DHX40: variants seen among roughly 807,000 people sequenced by gnomAD.
DHX40 encodes DEAH-box helicase 40.
Under a neutral mutation model 89.6 loss-of-function variants are expected in DHX40, and 28 were observed. That is an observed-to-expected ratio of 0.31 (90% CI 0.23 to 0.43). The LOEUF (loss-of-function observed/expected upper bound fraction) is 0.43. DHX40 is among the 20% of genes least tolerant of loss of function. The pLI, the probability that DHX40 is intolerant of heterozygous loss-of-function variation, is 1.00. For missense variants in DHX40, 457 were observed against 844.0 expected, an observed-to-expected ratio of 0.54 and a Z score of 5.68; for synonymous variants, 226 against 283.6, an observed-to-expected ratio of 0.80 and a Z score of 2.04.
chr17:59,594,669 A>G (rs1598168263), intron 12 of DHX40, among the ~76,000 whole-genome samples: 1 of 151,606 alleles, frequency 6.6e-6, no homozygotes, highest in Non-Finnish European at 1.5e-5. Context: ...TGCTGAACCC[A>G]TTGGAACAAC....
intron 6 of DHX40, among the ~76,000 whole-genome samples, chr17:59,574,515 CATA>C (rs201871572): frequency 0.02 from 2,961 of 151,144 alleles, 85 homozygotes; most frequent in Middle Eastern, 0.031. Flanking sequence ...ATGTCAAAGA[CATA>C]GTAGTATATG....
chr17:59,591,970 G>A lies in DHX40; in HGVS notation c.1582+3917G>A, dbSNP rs774658400. 4.7e-4 allele frequency among the ~76,000 whole-genome samples: 72 copies of A among 151,960 alleles called. 2 individuals are homozygous for A. The highest frequency in any genetic ancestry group is 8.0e-4 in the Non-Finnish European group (54 of 67,888). On this transcript the variant is annotated intron_variant, in intron 12 of 17. Transcript: ENST00000251241. ...CGCAGCCTTGACCTCCCGGGCTCAAGCAATTCTCCCACCTCAGCCTCCTTA... is the reference window on the plus strand; with the variant it reads ...CGCAGCCTTGACCTCCCGGGCTCAAACAATTCTCCCACCTCAGCCTCCTTA...
At chr17:59,605,981 T>G (rs1598184098) in intron 17 of DHX40, among the ~76,000 whole-genome samples, 1 of 151,162 alleles carries the variant, frequency 6.6e-6, no homozygotes, top group Middle Eastern at 3.4e-3. Flanking sequence ...AAAAAAAAAG[T>G]GATGATTTAT....
intron 12 of DHX40, among the ~76,000 whole-genome samples, chr17:59,593,707 C>T (rs2049111452): frequency 1.5e-5 from 2 of 137,636 alleles, no homozygotes; most frequent in Admixed American, 1.5e-4. Flanking sequence ...CTCCTGACCT[C>T]CTGACCTCAG....
At chr17:59,571,618 T>A (rs1475051718) in intron 3 of DHX40, among the ~76,000 whole-genome samples, 1 of 150,520 alleles carries the variant, frequency 6.6e-6, no homozygotes, top group Non-Finnish European at 1.5e-5. Context: ...TGAGACGAAG[T>A]CTCACACCAT....
chr17:59,572,461 C>A (rs1400447988), intron 3 of DHX40, among the ~76,000 whole-genome samples: 1 of 152,190 alleles, frequency 6.6e-6, no homozygotes, highest in Non-Finnish European at 1.5e-5. Flanking sequence ...TCACTGCAAT[C>A]TCCGCCTCTC....
chr17:59,565,701 G>A lies in DHX40; in HGVS notation c.30G>A (p.Arg10=), dbSNP rs1288997293. MSRFPAVAG[R]APRRQEEGER... ...CCCGGTTTCCCGCAGTCGCGGGCAG[G>A]GCGCCAAGGCGGCAGGAGGAGGGTG... The change falls in exon 1 of 18, where the codon AGG becomes AGA. Residue 10 remains arginine, a synonymous_variant. Coordinates refer to ENST00000251241, the MANE Select transcript of DHX40 (RefSeq NM_024612.5). 6.2e-7 allele frequency: 1 copy of A among 1,603,324 alleles called. No individual in the cohort carries two copies. Among genetic ancestry groups the A allele is most frequent in the Non-Finnish European group, 8.5e-7 (1 of 1,179,622 alleles).
rs149385882 is a variant in DHX40, at chr17:59,599,435, A to G, written c.1758A>G (p.Ala586=). Residue 586 remains alanine, a synonymous_variant, in exon 14 of 18, where the codon GCA becomes GCG. Transcript: ENST00000251241. The stretch of plus-strand genomic sequence containing the variant: ...TTCATTGGAGGTGCTTATTTTCTGC[A>G]TTTCGTGTGGAAGCTCAACTTCGAG... The part of the protein sequence containing the change: ...HWIHWRCLFS[A]FRVEAQLREL... The G allele has an allele frequency of 7.1e-4, 1,146 of 1,609,168 alleles. 8 individuals carry two copies. Among genetic ancestry groups the G allele is most frequent in the South Asian group, 1.3e-3 (120 of 90,266 alleles).
At chr17:59,566,210 A>G (rs2048702790) in intron 1 of DHX40, among the ~76,000 whole-genome samples, 1 of 152,086 alleles carries the variant, frequency 6.6e-6, no homozygotes, top group African/African-American at 2.4e-5. Context: ...CTGAACAGGG[A>G]CCTAACTTGA....
chr17:59,576,564 A>C (rs910531493), intron 7 of DHX40, among the ~76,000 whole-genome samples: 1 of 152,100 alleles, frequency 6.6e-6, no homozygotes, highest in African/African-American at 2.4e-5. Flanking sequence ...TATTTTGGAA[A>C]TCTTTTTTAT....
intron 2 of DHX40, among the ~76,000 whole-genome samples, chr17:59,567,549 C>T (rs972856766): frequency 6.6e-6 from 1 of 152,292 alleles, no homozygotes; most frequent in Non-Finnish European, 1.5e-5. Flanking sequence ...AATCAGCCTC[C>T]TCTGCTCAGC....
rs1375188096 is a variant in DHX40 at position 59,586,151 on chromosome 17, A to T, written c.1344-2A>T. 1.9e-6 allele frequency: 3 copies of T among 1,585,322 alleles called. No homozygotes were observed. The highest frequency in any genetic ancestry group is 1.2e-5 in the South Asian group (1 of 86,554). On this transcript the variant is annotated splice_acceptor_variant, in intron 10 of 17. Coordinates refer to ENST00000251241, the MANE Select transcript of DHX40 (RefSeq NM_024612.5). LOFTEE classifies it high-confidence loss of function. ...CACTTCATATCTCATTTAAACACACAGGTTTCCCTATTTGGATCCACCTAA... is the reference window on the plus strand; with the variant it reads ...CACTTCATATCTCATTTAAACACACTGGTTTCCCTATTTGGATCCACCTAA...
Position 59,605,252 on chromosome 17 carries a change from T to C in DHX40, c.1971+68T>C, listed in dbSNP as rs1598182833. The C allele has an allele frequency of 1.6e-5, 23 of 1,482,788 alleles. No homozygotes were observed. The East Asian group carries it at 5.1e-4, about 33-fold the overall frequency. The allele number at this position is 1,482,788 out of a possible 1,614,324, so 91.9% of individuals were successfully genotyped here. ...TGTAGAAATAAGTAATATACAAATGTCTTCTACTTTTCACTTTGGAGTTAA... is the reference window on the plus strand; with the variant it reads ...TGTAGAAATAAGTAATATACAAATGCCTTCTACTTTTCACTTTGGAGTTAA... On this transcript the variant is annotated intron_variant, in intron 16 of 17. Transcript: ENST00000251241.
At chr17:59,569,295 T>C (rs1953648758) in intron 2 of DHX40, among the ~76,000 whole-genome samples, 1 of 151,522 alleles carries the variant, frequency 6.6e-6, no homozygotes, top group African/African-American at 2.4e-5. Context: ...GCCACTGCAC[T>C]CCCGCCTGGG....
intron 1 of DHX40, 32 bp downstream of exon 1, chr17:59,565,815 G>T: frequency 6.4e-7 from 1 of 1,557,416 alleles, no homozygotes. Flanking sequence ...GGAAGCCAGC[G>T]GGAGTTACGG....
intron 15 of DHX40, chr17:59,604,862 G>T: frequency 2.7e-6 from 1 of 367,568 alleles, no homozygotes; most frequent in Non-Finnish European, 4.9e-6. Flanking sequence ...ATAGATTATT[G>T]TTAATATTTG....
chr17:59,598,997 C>G (rs1352331518), intron 13 of DHX40, 146 bp downstream of exon 13: 3 of 596,102 alleles, frequency 5.0e-6, no homozygotes, highest in Non-Finnish European at 9.2e-6. Context: ...TTATCTATGT[C>G]AGATGACTAT....
chr17:59,594,518 A>G (rs1346653497), intron 12 of DHX40, among the ~76,000 whole-genome samples: 2 of 151,608 alleles, frequency 1.3e-5, no homozygotes, highest in Non-Finnish European at 2.9e-5. Context: ...TTGGGGAGTT[A>G]GGAGCTGATA....
chr17:59,605,428 A>G lies in DHX40; in HGVS notation c.1972-18A>G, dbSNP rs1436180472. 3 of 1,602,662 alleles carry G rather than the reference A, an allele frequency of 1.9e-6. No individual in the cohort carries two copies. The highest frequency in any genetic ancestry group is 2.6e-6 in the Non-Finnish European group (3 of 1,171,302). ...CAGGTTATTGAGTTACCATCATTAA[A>G]AGAAATGTTTTGTATAGCTTCATGA... On this transcript the variant is annotated intron_variant, in intron 16 of 17. Transcript: ENST00000251241.
Sources: gnomAD v4.1 joint callset for allele counts (sites outside exome capture counted in the v4.1 genomes callset) on GRCh38, gnomAD v4.1.1 for gene constraint, MANE v1.5 for transcripts, NCBI Gene and HGNC (gene_info 2026-07-23, HGNC 2026-07-21) for gene names.